Variants in CEP128 observed in about 807,000 individuals in gnomAD.
CEP128 encodes centrosomal protein 128.
A neutral mutation model predicts 156.7 loss-of-function variants in CEP128; 132 were observed. That is an observed-to-expected ratio of 0.84 (90% CI 0.73 to 0.97). CEP128 has a LOEUF of 0.97. Among genes scored for constraint, CEP128 ranks in the 50% least tolerant of loss-of-function variants. CEP128 has a pLI of 0.00. For missense variants in CEP128, 1,252 were observed against 1,281.9 expected, an observed-to-expected ratio of 0.98 and a Z score of 0.36; for synonymous variants, 469 against 448.9, an observed-to-expected ratio of 1.04 and a Z score of -0.57.
At chr14:80,725,713 A>G (rs1897997537) in intron 19 of CEP128, among the ~76,000 whole-genome samples, 1 of 152,202 alleles carries the variant, frequency 6.6e-6, no homozygotes, top group African/African-American at 2.4e-5. Flanking sequence ...ACAAAGTTAA[A>G]ATCCTGAAAG....
chr14:80,606,763 C>T (rs1236117011), intron 19 of CEP128, among the ~76,000 whole-genome samples: 2 of 152,018 alleles, frequency 1.3e-5, no homozygotes, highest in African/African-American at 2.4e-5. Flanking sequence ...TTTCCCAACA[C>T]TTTCATATGT....
chr14:80,749,361 A>C (rs1029122591), intron 18 of CEP128, among the ~76,000 whole-genome samples: 1 of 152,198 alleles, frequency 6.6e-6, no homozygotes, highest in Non-Finnish European at 1.5e-5. Context: ...ACAACGGCCA[A>C]GATTTGGATG....
rs766900120 is a variant in CEP128 at position 80,836,256 on chromosome 14, G to T, written c.1006C>A (p.Gln336Lys). ...TGTTCATCCTGATAGTTTGACTGTT[G>T]CTTGGAAATCTGAGATACTTGATGC... The part of the protein sequence containing the change: ...LQHQVSQISK[Q>K]QSNYQDEQGE... Residue 336 changes from glutamine (Q) to lysine (K), a missense_variant, in exon 12 of 25, where the codon CAA (glutamine) becomes AAA (lysine). Transcript: ENST00000555265. The T allele has an allele frequency of 6.2e-7, 1 of 1,613,908 alleles. No individual in the cohort carries two copies. The highest frequency in any genetic ancestry group is 1.1e-5 in the South Asian group (1 of 91,068).
chr14:80,770,080 G>A lies in CEP128; in HGVS notation c.2376+7802C>T, dbSNP rs1348858940. 3.3e-5 allele frequency among the ~76,000 whole-genome samples: 5 copies of A among 152,190 alleles called. No individual in the cohort carries two copies. In the East Asian group the frequency reaches 7.7e-4, roughly 23 times the overall value. On this transcript the variant is annotated intron_variant, in intron 16 of 24. Transcript: ENST00000555265. Reference sequence around the variant, plus strand: ...TAATAGTAAAGGATTTTAATGGAAAGTGCAGAACATGTTTGCCTTCTCCTC... The same window carrying A: ...TAATAGTAAAGGATTTTAATGGAAAATGCAGAACATGTTTGCCTTCTCCTC...
In CEP128 at chr14:80,526,934, T is replaced by C. The variant is rs760940934; in HGVS notation, c.3007A>G (p.Arg1003Gly). Residue 1003 changes from arginine (R) to glycine (G), a missense_variant, in exon 23 of 25, where the codon AGG becomes GGG. Coordinates refer to ENST00000555265, the MANE Select transcript of CEP128 (RefSeq NM_152446.5). ...ERTDGRYSKY[R>G]VRRNSLQHHQ... ...TGCTGAAGAGAATTTCTGCGAACCC[T>C]GTATTTGGAATATCTTCCATCAGTT... 11 of 1,610,602 alleles carry C rather than the reference T, an allele frequency of 6.8e-6. No individual in the cohort carries two copies. In the Admixed American group the frequency reaches 1.5e-4, roughly 22 times the overall value.
intron 20 of CEP128, among the ~76,000 whole-genome samples, chr14:80,571,041 T>C (rs1283521862): frequency 2.6e-5 from 4 of 152,234 alleles, no homozygotes; most frequent in African/African-American, 9.6e-5. Context: ...TATCTGGGTC[T>C]GACATCAGGA....
chr14:80,544,223 A>G (rs1889886310), intron 21 of CEP128, among the ~76,000 whole-genome samples: 1 of 152,206 alleles, frequency 6.6e-6, no homozygotes, highest in Admixed American at 6.5e-5. Context: ...TTCATTAGCC[A>G]TCTTTTTTTC....
At chr14:80,743,890 G>A (rs77562872) in intron 18 of CEP128, among the ~76,000 whole-genome samples, 4 of 127,446 alleles carry the variant, frequency 3.1e-5, no homozygotes, top group Middle Eastern at 9.0e-3. Flanking sequence ...TTTTTTTTTC[G>A]AGACATAATC....
At chr14:80,487,621 T>C (rs1008589043), downstream of CEP128, among the ~76,000 whole-genome samples, 7 of 152,182 alleles carry the variant, frequency 4.6e-5, no homozygotes, top group African/African-American at 1.7e-4. Context: ...ACCACATAGT[T>C]GGAAGTAAAG....
intron 19 of CEP128, among the ~76,000 whole-genome samples, chr14:80,656,104 G>A (rs1895122125): frequency 6.6e-6 from 1 of 151,116 alleles, no homozygotes; most frequent in Non-Finnish European, 1.5e-5. Flanking sequence ...GATGAAAACT[G>A]TCCTATCAAA....
At chr14:80,917,040 T>G (rs1884603104) in intron 2 of CEP128, among the ~76,000 whole-genome samples, 1 of 152,186 alleles carries the variant, frequency 6.6e-6, no homozygotes, top group African/African-American at 2.4e-5. Flanking sequence ...TCTCACTCAG[T>G]GTACATTGAC....
At chr14:80,683,405 A>T (rs1896399984) in intron 19 of CEP128, among the ~76,000 whole-genome samples, 1 of 151,354 alleles carries the variant, frequency 6.6e-6, no homozygotes, top group South Asian at 2.1e-4. Flanking sequence ...GCTCCATCCA[A>T]CAAGAAGACT....
intron 14 of CEP128, among the ~76,000 whole-genome samples, chr14:80,790,603 C>T (rs957360693): frequency 5.9e-5 from 9 of 151,282 alleles, no homozygotes; most frequent in African/African-American, 1.7e-4. Flanking sequence ...CAGTGATACG[C>T]GATTTGATAT....
chr14:80,709,575 A>T (rs908250556), intron 19 of CEP128, among the ~76,000 whole-genome samples: 9 of 151,982 alleles, frequency 5.9e-5, no homozygotes, highest in Admixed American at 3.9e-4. Context: ...CATTTAATAC[A>T]AAAAAATCTG....
intron 19 of CEP128, among the ~76,000 whole-genome samples, chr14:80,615,685 C>A: frequency 6.6e-6 from 1 of 152,040 alleles, no homozygotes; most frequent in Non-Finnish European, 1.5e-5. Context: ...CCCATCTCTA[C>A]TAAAAATACA....
intron 19 of CEP128, among the ~76,000 whole-genome samples, chr14:80,668,311 T>C (rs1433982455): frequency 6.6e-6 from 1 of 151,888 alleles, no homozygotes; most frequent in Non-Finnish European, 1.5e-5. Flanking sequence ...GCTAAACATT[T>C]TGAAAGAATA....
chr14:80,636,743 T>C (rs1453642531), intron 19 of CEP128, among the ~76,000 whole-genome samples: 2 of 152,160 alleles, frequency 1.3e-5, no homozygotes, highest in East Asian at 3.9e-4. Context: ...GGCCTCCCCA[T>C]TTCCATTTTT....
At chr14:80,922,387 C>CT (rs1884914818) in intron 2 of CEP128, among the ~76,000 whole-genome samples, 2 of 152,138 alleles carry the variant, frequency 1.3e-5, no homozygotes, top group Non-Finnish European at 2.9e-5. Context: ...CTTATCATGC[C>CT]TTATGAACTG....
At chr14:80,955,590 G>C in intron 2 of CEP128, 1 of 1,485,732 alleles carries the variant, frequency 6.7e-7, no homozygotes, top group East Asian at 2.3e-5. Flanking sequence ...TCCCGCTCCC[G>C]GGTCTCCTTT....
Sources: gnomAD v4.1 joint callset for allele counts (sites outside exome capture counted in the v4.1 genomes callset) on GRCh38, gnomAD v4.1.1 for gene constraint, MANE v1.5 for transcripts, NCBI Gene and HGNC (gene_info 2026-07-23, HGNC 2026-07-21) for gene names.